Variants in TSPAN5 observed in about 807,000 individuals in gnomAD.
TSPAN5 encodes tetraspanin 5.
Under a neutral mutation model 37.1 loss-of-function variants are expected in TSPAN5, and 10 were observed. The ratio of observed to expected loss-of-function variants is 0.27; its 90% confidence interval spans 0.17 to 0.46. The LOEUF is 0.46. Ranked by LOEUF, TSPAN5 falls within the 20% of genes least tolerant of loss-of-function variation. The pLI is 1.00. For synonymous variants in TSPAN5, 110 were observed against 118.9 expected, an observed-to-expected ratio of 0.93 and a Z score of 0.48; for missense variants, 195 against 326.6, an observed-to-expected ratio of 0.60 and a Z score of 3.11.
chr4:98,496,587 AG>A (rs1346170746), intron 2 of TSPAN5: 2 of 152,198 alleles, frequency 1.3e-5, no homozygotes, highest in Non-Finnish European at 2.9e-5. Context: ...GTCATCTTTT[AG>A]GTCTCCATAC....
chr4:98,609,177 C>T (rs533170393), intron 1 of TSPAN5, among the ~76,000 whole-genome samples: 37 of 152,220 alleles, frequency 2.4e-4, no homozygotes, highest in Non-Finnish European at 4.3e-4. Flanking sequence ...TTTTCAATCC[C>T]CACTGTAACA....
intron 1 of TSPAN5, among the ~76,000 whole-genome samples, chr4:98,620,256 C>T (rs1443402567): frequency 1.3e-5 from 2 of 152,152 alleles, no homozygotes; most frequent in Non-Finnish European, 2.9e-5. Flanking sequence ...TCTGACCACC[C>T]GGAGGCCACC....
chr4:98,608,279 C>G (rs946910236), intron 1 of TSPAN5, among the ~76,000 whole-genome samples: 3 of 152,096 alleles, frequency 2.0e-5, no homozygotes, highest in African/African-American at 7.2e-5. Flanking sequence ...CTTTAGGACT[C>G]TGATTTTTAA....
chr4:98,630,068 G>C (rs1280565434), intron 1 of TSPAN5, among the ~76,000 whole-genome samples: 1 of 152,180 alleles, frequency 6.6e-6, no homozygotes, highest in Non-Finnish European at 1.5e-5. Flanking sequence ...TGTGGTCAGA[G>C]ATGGGCCCTG....
chr4:98,478,915 T>C (rs956996252), intron 4 of TSPAN5, 105 bp from the exon 5 acceptor site: 13 of 1,404,286 alleles, frequency 9.3e-6, no homozygotes, highest in Admixed American at 5.6e-5. Flanking sequence ...CTGACCTTCT[T>C]TTCTGTCCTA....
At chr4:98,497,974 G>C (rs1199760159) in intron 2 of TSPAN5, among the ~76,000 whole-genome samples, 1 of 152,240 alleles carries the variant, frequency 6.6e-6, no homozygotes, top group Non-Finnish European at 1.5e-5. Context: ...ATTTGGAGCA[G>C]AGGAAGCTCC....
intron 2 of TSPAN5, among the ~76,000 whole-genome samples, chr4:98,487,193 C>G (rs1752985309): frequency 6.7e-6 from 1 of 149,068 alleles, no homozygotes; most frequent in Non-Finnish European, 1.5e-5. Flanking sequence ...TGCTTTCTTT[C>G]CAACATCTAA....
chr4:98,477,026 C>A (rs73832317), intron 5 of TSPAN5, among the ~76,000 whole-genome samples: 4,200 of 152,258 alleles, frequency 0.028, 115 homozygotes, highest in African/African-American at 0.07. Flanking sequence ...TCCTTCTCTG[C>A]GGGGTGTGGG....
intron 1 of TSPAN5, among the ~76,000 whole-genome samples, chr4:98,531,751 G>A (rs540710280): frequency 1.3e-5 from 2 of 152,178 alleles, no homozygotes; most frequent in South Asian, 2.1e-4. Flanking sequence ...TTTAATGATC[G>A]CCATTCTAAC....
chr4:98,481,950 C>G, intron 4 of TSPAN5, 55 bp downstream of exon 4: 2 of 1,576,360 alleles, frequency 1.3e-6, no homozygotes. Context: ...ATGAAATTCA[C>G]TGGGGTCATC....
chr4:98,555,633 A>T (rs1020796181), intron 1 of TSPAN5, among the ~76,000 whole-genome samples: 30 of 152,310 alleles, frequency 2.0e-4, no homozygotes, highest in Middle Eastern at 3.4e-3. Flanking sequence ...ATTAAAAAAA[A>T]TTGGCTGTAT....
chr4:98,482,727 G>C (rs1008234163), intron 3 of TSPAN5: 1 of 152,246 alleles, frequency 6.6e-6, no homozygotes, highest in African/African-American at 2.4e-5. Flanking sequence ...GGGTCAAAGA[G>C]GAAGTAGTGG....
chr4:98,598,115 C>A (rs1461158245), intron 1 of TSPAN5, among the ~76,000 whole-genome samples: 1 of 114,696 alleles, frequency 8.7e-6, no homozygotes, highest in Admixed American at 8.6e-5. Context: ...ACCCTCTGAG[C>A]CAGGTGTGGG....
At chr4:98,518,814 C>T (rs570960386) in intron 1 of TSPAN5, among the ~76,000 whole-genome samples, 1 of 152,314 alleles carries the variant, frequency 6.6e-6, no homozygotes, top group Admixed American at 6.5e-5. Context: ...CAAGTTCTGT[C>T]TTCTTAACAA....
intron 1 of TSPAN5, among the ~76,000 whole-genome samples, chr4:98,514,714 A>G (rs1753691026): frequency 6.6e-6 from 1 of 152,102 alleles, no homozygotes; most frequent in African/African-American, 2.4e-5. Flanking sequence ...ACGTAGTTTC[A>G]TGATCTTGGG....
At chr4:98,639,894 C>G (rs1528545) in intron 1 of TSPAN5, among the ~76,000 whole-genome samples, 1 of 151,918 alleles carries the variant, frequency 6.6e-6, no homozygotes, top group South Asian at 2.1e-4. Context: ...CCATTTATGA[C>G]AGTTAAAGGA....
chr4:98,589,517 T>C (rs1010880359), intron 1 of TSPAN5, among the ~76,000 whole-genome samples: 5 of 152,212 alleles, frequency 3.3e-5, no homozygotes, highest in Non-Finnish European at 7.4e-5. Flanking sequence ...TAAACACCAA[T>C]TGGAGTGACT....
At chr4:98,617,215 C>T (rs114300293) in intron 1 of TSPAN5, among the ~76,000 whole-genome samples, 2 of 152,046 alleles carry the variant, frequency 1.3e-5, no homozygotes, top group Non-Finnish European at 2.9e-5. Context: ...TACCAAAATA[C>T]ATGTATACCT....
intron 1 of TSPAN5, among the ~76,000 whole-genome samples, chr4:98,524,227 T>C (rs1442065548): frequency 6.6e-6 from 1 of 152,246 alleles, no homozygotes; most frequent in East Asian, 1.9e-4. Flanking sequence ...TTTTTCCTTT[T>C]GCAAGAAACT....
Sources: gnomAD v4.1 joint callset for allele counts (sites outside exome capture counted in the v4.1 genomes callset) on GRCh38, gnomAD v4.1.1 for gene constraint, MANE v1.5 for transcripts, NCBI Gene and HGNC (gene_info 2026-07-23, HGNC 2026-07-21) for gene names.